The following PKHD1L1 variants were observed in gnomAD, a reference collection of about 807,000 sequenced individuals.
The protein encoded by PKHD1L1 is fibrocystin-L.
In PKHD1L1, 434 loss-of-function variants were observed where a neutral mutation model predicts 462.9. The observed-to-expected ratio is 0.94, with a 90% CI of 0.87 to 1.02. The LOEUF is 1.02. PKHD1L1 is among the 50% of genes least tolerant of loss of function. The pLI is 0.00. For missense variants in PKHD1L1, 5,202 were observed against 5,096.1 expected, an observed-to-expected ratio of 1.02 and a Z score of -0.63; for synonymous variants, 1,781 against 1,750.0, an observed-to-expected ratio of 1.02 and a Z score of -0.44.
intron 77 of PKHD1L1, among the ~76,000 whole-genome samples, chr8:109,527,893 T>C (rs1820897813): frequency 6.6e-6 from 1 of 152,232 alleles, no homozygotes; most frequent in Admixed American, 6.5e-5. Flanking sequence ...AGCTATGTCA[T>C]TGACCTGGCT....
At chr8:109,389,000 GAGT>G (rs1812573996) in intron 7 of PKHD1L1, 76 bp from the exon 8 acceptor site, 2 of 928,822 alleles carry the variant, frequency 2.2e-6, no homozygotes, top group African/African-American at 1.7e-5. Context: ...TGAAATTAAT[GAGT>G]AGTTTTTAAG....
At chr8:109,388,063 T>A (rs1311556260) in intron 6 of PKHD1L1, among the ~76,000 whole-genome samples, 1 of 152,202 alleles carries the variant, frequency 6.6e-6, no homozygotes, top group East Asian at 1.9e-4. Flanking sequence ...GATAACTTTG[T>A]GCTGTCTGTG....
intron 37 of PKHD1L1, among the ~76,000 whole-genome samples, chr8:109,444,313 G>T (rs142089959): frequency 5.5e-4 from 84 of 152,208 alleles, no homozygotes; most frequent in African/African-American, 2.0e-3. Context: ...TGTTTTCAAG[G>T]TTCACACAAG....
Position 109,498,773 on chromosome 8 carries a change from C to G in PKHD1L1, c.10828+2C>G. The G allele has an allele frequency of 1.3e-6, 2 of 1,591,148 alleles. No homozygotes were observed. The highest frequency in any genetic ancestry group is 2.2e-5 in the South Asian group (2 of 90,158). ...TCAGTGGCCTTTTGGACATCTCAGG[C>G]AAGTACACAGTCTTTTACAAATCTT... On this transcript the variant is annotated splice_donor_variant, in intron 67 of 77. Transcript: ENST00000378402. LOFTEE classifies it high-confidence loss of function.
chr8:109,431,130 G>A (rs1815075693), intron 27 of PKHD1L1, among the ~76,000 whole-genome samples: 1 of 151,986 alleles, frequency 6.6e-6, no homozygotes, highest in Non-Finnish European at 1.5e-5. Context: ...ACCACACTCA[G>A]ATAATTTTTG....
At chr8:109,385,425 G>A (rs1320215183) in intron 5 of PKHD1L1, 112 bp from the exon 6 acceptor site, 2 of 607,742 alleles carry the variant, frequency 3.3e-6, no homozygotes, top group Non-Finnish European at 5.6e-6. Flanking sequence ...CAAACATGAG[G>A]TATAAGTGTC....
chr8:109,393,321 T>C (rs537967131), intron 9 of PKHD1L1, among the ~76,000 whole-genome samples: 1 of 152,166 alleles, frequency 6.6e-6, no homozygotes, highest in Admixed American at 6.5e-5. Flanking sequence ...TAATTCAGTG[T>C]GATTATGATG....
Position 109,444,660 on chromosome 8 carries a change from G to C in PKHD1L1, c.4792-1G>C. 6.2e-7 allele frequency: 1 copy of C among 1,608,814 alleles called. No homozygotes were observed. Among genetic ancestry groups the C allele is most frequent in the Non-Finnish European group, 8.5e-7 (1 of 1,176,388 alleles). ...TTATTTTGTATTCATTTTACTTACA[G>C]GTTACAATTGGTAGCTACCCCTGTG... On this transcript the variant is annotated splice_acceptor_variant, in intron 37 of 77. Transcript: ENST00000378402. LOFTEE classifies it high-confidence loss of function.
rs1258702716 is a variant in PKHD1L1, at chr8:109,412,312, T to C, written c.2133T>C (p.Cys711=). 6.2e-7 allele frequency: 1 copy of C among 1,613,830 alleles called. No homozygotes were observed. The highest frequency in any genetic ancestry group is 1.7e-5 in the Admixed American group (1 of 60,004). The stretch of plus-strand genomic sequence containing the variant: ...AGACAGCTGAAACCGATGCTTACTG[T>C]GGTCGTTATTCCCTGAAAAACCCAG... ...GQKTAETDAY[C]GRYSLKNPAV... Residue 711 remains cysteine, a synonymous_variant, in exon 20 of 78, where the codon TGT becomes TGC. Transcript: ENST00000378402.
chr8:109,441,384 C>A lies in PKHD1L1; in HGVS notation c.4204+5C>A. On this transcript the variant is annotated splice_donor_5th_base_variant and intron_variant, in intron 34 of 77. Coordinates refer to ENST00000378402, the MANE Select transcript of PKHD1L1 (RefSeq NM_177531.6). ...CCAACAATGGGAAAGATTCAGGTAT[C>A]AGCCATTTATATACTATGAAATAAT... is the stretch of plus-strand genomic sequence containing the variant. 6.7e-7 allele frequency: 1 copy of A among 1,486,762 alleles called. No homozygotes were observed. The highest frequency in any genetic ancestry group is 1.2e-5 in the South Asian group (1 of 82,446). 92.1% of individuals were successfully genotyped at this position (1,486,762 alleles called of 1,614,324 possible). A position where few individuals can be genotyped will look rare whatever the true frequency, so the allele number is the denominator to read the frequency against.
chr8:109,525,900 A>G (rs894157490), intron 76 of PKHD1L1, among the ~76,000 whole-genome samples: 1 of 152,202 alleles, frequency 6.6e-6, no homozygotes, highest in Non-Finnish European at 1.5e-5. Flanking sequence ...ATCAAGATCT[A>G]ATTATATTCT....
intron 27 of PKHD1L1, among the ~76,000 whole-genome samples, chr8:109,431,589 C>T (rs1320733289): frequency 6.6e-6 from 1 of 152,086 alleles, no homozygotes; most frequent in Non-Finnish European, 1.5e-5. Flanking sequence ...TGAAATATTA[C>T]AATGTAAATG....
chr8:109,441,337 A>C lies in PKHD1L1; in HGVS notation c.4162A>C (p.Thr1388Pro), dbSNP rs766909799. ...TGTCATAAAATGTATTCTTCATTCA[A>C]CTGGGAATATATTCAGGATTACCAA... ...ENVIKCILHSTGNIFRITNNG... is the reference protein window; with the variant it reads ...ENVIKCILHSPGNIFRITNNG... The change falls in exon 34 of 78, where the codon ACT becomes CCT. Residue 1388 changes from threonine (T) to proline (P), a missense_variant. This residue lies in a region of PKHD1L1 where 4,497 missense variants were observed against 4,336.8 expected (regional missense o/e 1.04). Transcript: ENST00000378402. The C allele has an allele frequency of 6.3e-7, 1 of 1,588,864 alleles. No individual in the cohort carries two copies. The highest frequency in any genetic ancestry group is 1.1e-5 in the South Asian group (1 of 88,322).
chr8:109,510,664 C>A, intron 70 of PKHD1L1, 113 bp from the exon 71 acceptor site: 1 of 1,314,542 alleles, frequency 7.6e-7, no homozygotes, highest in South Asian at 1.5e-5. Flanking sequence ...AAATGCTGAA[C>A]TTGCATTTGA....
At position 109,443,124 on chromosome 8, in the gene PKHD1L1, G is replaced by A. The variant is rs1319264648; in HGVS notation, c.4564+8G>A. 5.0e-6 allele frequency: 8 copies of A among 1,611,590 alleles called. No homozygotes were observed. The highest frequency in any genetic ancestry group is 1.7e-5 in the Admixed American group (1 of 59,954). On this transcript the variant is annotated splice_region_variant and intron_variant, in intron 36 of 77. Coordinates refer to ENST00000378402, the MANE Select transcript of PKHD1L1 (RefSeq NM_177531.6). ...AAGCCACATATGCTTATGGTAAGAT[G>A]GTTAAAGATGGAAACTCTGTTACAC...
At chr8:109,502,149 A>G (rs1819452399) in intron 67 of PKHD1L1, among the ~76,000 whole-genome samples, 1 of 152,170 alleles carries the variant, frequency 6.6e-6, no homozygotes, top group Admixed American at 6.5e-5. Flanking sequence ...TACATCCAAT[A>G]TAATACATGC....
At chr8:109,500,982 G>C (rs1040116478) in intron 67 of PKHD1L1, among the ~76,000 whole-genome samples, 4 of 152,046 alleles carry the variant, frequency 2.6e-5, no homozygotes, top group African/African-American at 9.7e-5. Context: ...TGGGAACTAT[G>C]ACCTCCAGAC....
chr8:109,487,302 C>A (rs1818577048), intron 59 of PKHD1L1, among the ~76,000 whole-genome samples: 1 of 151,934 alleles, frequency 6.6e-6, no homozygotes, highest in African/African-American at 2.4e-5. Context: ...CGTATTATAT[C>A]ATCTAGAAAT....
chr8:109,373,373 T>C lies in PKHD1L1; in HGVS notation c.164-7997T>C, dbSNP rs189379241. 3.9e-4 allele frequency among the ~76,000 whole-genome samples: 59 copies of C among 152,282 alleles called. 1 individual carries two copies. The highest frequency in any genetic ancestry group is 3.4e-3 in the Middle Eastern group (1 of 294). Reference sequence around the variant, plus strand: ...ATATCTCCTTTGTAATTTTTTATTGTGTCTATTTGATTCTTCTCTCTTTTC... The same window carrying C: ...ATATCTCCTTTGTAATTTTTTATTGCGTCTATTTGATTCTTCTCTCTTTTC... On this transcript the variant is annotated intron_variant, in intron 2 of 77. Transcript: ENST00000378402.
Sources: allele counts gnomAD v4.1 joint callset (sites outside exome capture counted in the v4.1 genomes callset), GRCh38; gene constraint gnomAD v4.1.1; regional missense constraint gnomAD v4.1.1; transcripts MANE v1.5; gene names NCBI Gene and HGNC (gene_info 2026-07-23, HGNC 2026-07-21).